Variants in GAPVD1 observed in about 807,000 individuals in gnomAD.
GAPVD1 encodes GTPase-activating protein and VPS9 domain-containing protein 1.
In GAPVD1, 35 loss-of-function variants were observed where a neutral mutation model predicts 155.5. The ratio of observed to expected loss-of-function variants is 0.23; its 90% CI spans 0.17 to 0.30. The LOEUF is 0.30. Among genes scored for constraint, GAPVD1 ranks in the 10% least tolerant of loss-of-function variants. GAPVD1 has a pLI of 1.00. For synonymous variants in GAPVD1, 636 were observed against 619.7 expected, an observed-to-expected ratio of 1.03 and a Z score of -0.39; for missense variants, 1,429 against 1,775.7, an observed-to-expected ratio of 0.80 and a Z score of 3.51.
intron 2 of GAPVD1, among the ~76,000 whole-genome samples, chr9:125,282,531 G>A (rs180718040): frequency 3.9e-5 from 6 of 152,242 alleles, no homozygotes; most frequent in Middle Eastern, 6.8e-3. Context: ...CTTTAGTTAC[G>A]ACTTTGATAT....
intron 9 of GAPVD1, among the ~76,000 whole-genome samples, chr9:125,314,653 T>TCAAAA (rs796288507): frequency 3.0e-4 from 45 of 151,234 alleles, no homozygotes; most frequent in East Asian, 2.0e-4. Context: ...AAACTCTGTC[T>TCAAAA]CAAAACAAAA....
chr9:125,356,481 C>T (rs192061735), intron 25 of GAPVD1, among the ~76,000 whole-genome samples: 8 of 152,210 alleles, frequency 5.3e-5, no homozygotes, highest in African/African-American at 1.9e-4. Context: ...AAATTCTCCC[C>T]TGTTCTTTTT....
In GAPVD1 at chr9:125,363,569, A is replaced by G. The variant is rs1208416668; in HGVS notation, c.*823A>G. ...TGCATTAGGAGATAGACTGATTACC[A>G]TACATGACATAAAAAGGAACAGTGG... On this transcript the variant is annotated 3_prime_UTR_variant, in exon 28 of 28. Coordinates refer to ENST00000297933, the MANE Select transcript of GAPVD1 (RefSeq NM_001282680.3). The G allele has an allele frequency of 6.6e-6, 1 of 152,392 alleles. No individual in the cohort carries two copies. Among genetic ancestry groups the G allele is most frequent in the Non-Finnish European group, 1.5e-5 (1 of 68,044 alleles). 9.4% of individuals were successfully genotyped at this position (152,392 alleles called of 1,614,324 possible). A position where few individuals can be genotyped will look rare whatever the true frequency, so the allele number is the denominator to read the frequency against.
intron 18 of GAPVD1, 134 bp downstream of exon 18, chr9:125,341,398 G>A: frequency 1.7e-6 from 1 of 590,024 alleles, no homozygotes; most frequent in South Asian, 2.1e-5. Context: ...TGAGGGTGTA[G>A]AAAGTGGTTC....
At chr9:125,320,544 T>C (rs1844170460) in intron 9 of GAPVD1, among the ~76,000 whole-genome samples, 1 of 152,226 alleles carries the variant, frequency 6.6e-6, no homozygotes, top group Admixed American at 6.5e-5. Context: ...TTTCTTCTAG[T>C]TGAATTTATT....
intron 2 of GAPVD1, among the ~76,000 whole-genome samples, 153 bp from the exon 3 acceptor site, chr9:125,295,305 T>C (rs1339890072): frequency 1.3e-5 from 2 of 152,144 alleles, no homozygotes; most frequent in Non-Finnish European, 2.9e-5. Context: ...CTTTTAGTTA[T>C]TCATGTCTAA....
intron 8 of GAPVD1, chr9:125,308,701 C>G (rs1278701683): frequency 6.6e-6 from 1 of 152,188 alleles, no homozygotes; most frequent in African/African-American, 2.4e-5. Flanking sequence ...TTAATCCCCA[C>G]AGAAGTCCTG....
At chr9:125,299,911 C>T (rs1194064846) in intron 4 of GAPVD1, among the ~76,000 whole-genome samples, 6 of 140,756 alleles carry the variant, frequency 4.3e-5, no homozygotes, top group African/African-American at 1.1e-4. Context: ...CCCAGCTACT[C>T]GGGAGGCTGA....
chr9:125,279,764 CTT>C (rs761676874), intron 2 of GAPVD1, among the ~76,000 whole-genome samples: 7 of 141,428 alleles, frequency 4.9e-5, no homozygotes, highest in Admixed American at 7.1e-5. Context: ...TATTCAGTGA[CTT>C]TTTTTTTTTT....
intron 9 of GAPVD1, among the ~76,000 whole-genome samples, chr9:125,317,724 T>A (rs934158156): frequency 4.0e-5 from 6 of 151,762 alleles, no homozygotes; most frequent in South Asian, 4.1e-4. Flanking sequence ...ATTTTTTTTT[T>A]AATATACTTA....
intron 2 of GAPVD1, among the ~76,000 whole-genome samples, chr9:125,285,852 A>G (rs971941514): frequency 1.3e-5 from 2 of 152,074 alleles, no homozygotes; most frequent in Non-Finnish European, 2.9e-5. Context: ...TCTGTTGGTC[A>G]GGCTGGAGTG....
At chr9:125,282,857 G>A (rs924002901) in intron 2 of GAPVD1, among the ~76,000 whole-genome samples, 2 of 151,928 alleles carry the variant, frequency 1.3e-5, no homozygotes, top group African/African-American at 2.4e-5. Context: ...TCCAGTTTTA[G>A]TATTCTTTCG....
At chr9:125,333,677 A>C (rs915202686) in intron 15 of GAPVD1, among the ~76,000 whole-genome samples, 3 of 151,700 alleles carry the variant, frequency 2.0e-5, no homozygotes, top group East Asian at 3.9e-4. Flanking sequence ...TAGTAGAGAC[A>C]GGGTTTCTCC....
At chr9:125,354,915 T>G (rs1213755647) in intron 24 of GAPVD1, 74 bp downstream of exon 24, 1 of 1,060,292 alleles carries the variant, frequency 9.4e-7, no homozygotes, top group East Asian at 2.4e-5. Flanking sequence ...TACTGTTTTG[T>G]TTTGCTAGTT....
chr9:125,345,881 G>A (rs1848452581), intron 19 of GAPVD1: 2 of 151,962 alleles, frequency 1.3e-5, no homozygotes, highest in Admixed American at 6.6e-5. Flanking sequence ...GTGTGTGTGT[G>A]TGTATATATA....
intron 9 of GAPVD1, among the ~76,000 whole-genome samples, chr9:125,315,617 G>A (rs1843309716): frequency 6.6e-6 from 1 of 152,124 alleles, no homozygotes; most frequent in African/African-American, 2.4e-5. Context: ...GGCCGAGGCA[G>A]CTACACAGGT....
In GAPVD1 at chr9:125,341,241, G is replaced by A. The variant is rs757442949; in HGVS notation, c.2942G>A (p.Arg981His). ...AGGAACAGACCTTGGTGGAGAAAAC[G>A]TTTTGTTTCAGCCATGCCTAAAGGT... ...SDRNRPWWRK[R>H]FVSAMPKAPI... Residue 981 changes from arginine (R) to histidine (H), a missense_variant, in exon 18 of 28, where the codon CGT becomes CAT. Physicochemically the swap from Arg to His is conservative, Grantham distance 29 (BLOSUM62 0). Coordinates refer to ENST00000297933, the MANE Select transcript of GAPVD1 (RefSeq NM_001282680.3). The A allele has an allele frequency of 3.0e-5, 47 of 1,585,618 alleles. No homozygotes were observed. The highest frequency in any genetic ancestry group is 4.1e-5 in the African/African-American group (3 of 73,964).
intron 12 of GAPVD1, among the ~76,000 whole-genome samples, chr9:125,329,725 G>A (rs1288547417): frequency 1.3e-5 from 2 of 151,828 alleles, no homozygotes; most frequent in African/African-American, 4.8e-5. Context: ...CAGGTTGGAG[G>A]GCAATGGCAT....
chr9:125,297,590 G>C, intron 3 of GAPVD1, among the ~76,000 whole-genome samples: 1 of 152,168 alleles, frequency 6.6e-6, no homozygotes, highest in East Asian at 1.9e-4. Context: ...GAAGGCAGAT[G>C]TTCTGGAGCT....
Sources: allele counts gnomAD v4.1 joint callset (sites outside exome capture counted in the v4.1 genomes callset), GRCh38; gene constraint gnomAD v4.1.1; transcripts MANE v1.5; gene names NCBI Gene and HGNC (gene_info 2026-07-23, HGNC 2026-07-21).